The following IL20 variants were observed in gnomAD, a reference collection of about 807,000 sequenced individuals.
IL20 encodes interleukin 20.
Under a neutral mutation model 19.2 loss-of-function variants are expected in IL20, and 22 were observed. The ratio of observed to expected loss-of-function variants is 1.15; its 90% CI spans 0.82 to 1.64. The LOEUF (loss-of-function observed/expected upper bound fraction) is 1.64, where lower values mean the gene tolerates loss of function less well. Among genes scored for constraint, IL20 ranks in the 40% most tolerant of loss-of-function variants. IL20 has a pLI of 0.00. For synonymous variants in IL20, 70 were observed against 76.2 expected, an observed-to-expected ratio of 0.92 and a Z score of 0.43; for missense variants, 215 against 212.8, an observed-to-expected ratio of 1.01 and a Z score of -0.06.
Position 206,866,635 on chromosome 1 carries a change from G to C in IL20, c.377G>C (p.Cys126Ser). 2 of 1,613,954 alleles carry C rather than the reference G, an allele frequency of 1.2e-6. No individual in the cohort carries two copies. The highest frequency in any genetic ancestry group is 1.7e-6 in the Non-Finnish European group (2 of 1,179,892). ...ACCATCAAGAAGGACCTCCGGCTCT[G>C]TGTGAGTGTGGGTCTTGGGTGACAG... ...FLTIKKDLRL[C>S]HAHMTCHCGE... The change falls in exon 4 of 6, where the codon TGT becomes TCT. Residue 126 changes from cysteine (C) to serine (S), a missense_variant and splice_region_variant. Cys to Ser is a moderately radical substitution (Grantham distance 112). Transcript: ENST00000367098.
At chr1:206,863,575 G>A (rs182257734), upstream of IL20, among the ~76,000 whole-genome samples, 14 of 152,262 alleles carry the variant, frequency 9.2e-5, no homozygotes, top group South Asian at 2.1e-4. Flanking sequence ...AGGCTCCTAG[G>A]AGACCAGAAG....
At position 206,867,493 on chromosome 1, in the gene IL20, T is replaced by G. The variant is rs1677591154; in HGVS notation, c.453+35T>G. On this transcript the variant is annotated intron_variant, in intron 5 of 5. Transcript: ENST00000367098. ...ACTTTGGCATTGATTGGGATGGGTG[T>G]GTTTTAAGAACTGAGATCATAGGTA... 6.4e-6 allele frequency: 10 copies of G among 1,553,058 alleles called. No individual in the cohort carries two copies. In the East Asian group the frequency reaches 2.2e-4, roughly 35 times the overall value.
intron 4 of IL20, among the ~76,000 whole-genome samples, chr1:206,867,125 G>A (rs1437897309): frequency 6.6e-6 from 1 of 151,376 alleles, no homozygotes; most frequent in Non-Finnish European, 1.5e-5. Flanking sequence ...TGGGGTACGG[G>A]GATGGCAAAT....
chr1:206,868,093 A>G (rs1478137012), intron 5 of IL20, among the ~76,000 whole-genome samples: 2 of 152,064 alleles, frequency 1.3e-5, no homozygotes, highest in East Asian at 3.9e-4. Context: ...ACCATCAGCT[A>G]GGTGATTGGC....
chr1:206,866,649 C>T lies in IL20; in HGVS notation c.378+13C>T. 6.2e-7 allele frequency: 1 copy of T among 1,613,198 alleles called. No homozygotes were observed. Among genetic ancestry groups the T allele is most frequent in the Non-Finnish European group, 8.5e-7 (1 of 1,179,386 alleles). On this transcript the variant is annotated intron_variant, in intron 4 of 5. Transcript: ENST00000367098. ...CCTCCGGCTCTGTGTGAGTGTGGGT[C>T]TTGGGTGACAGGATGCATCTCAGCA...
intron 5 of IL20, among the ~76,000 whole-genome samples, chr1:206,868,152 A>ACACACACACAGGCACGTG (rs1311190918): frequency 4.0e-5 from 6 of 151,554 alleles, no homozygotes; most frequent in Admixed American, 6.6e-5. Context: ...CAACCCCTAC[A>ACACACACACAGGCACGTG]CACACACACA....
chr1:206,865,522 T>A, upstream of IL20: 1 of 1,091,362 alleles, frequency 9.2e-7, no homozygotes, highest in Non-Finnish European at 1.1e-6. This position sits in a 1 kb window ranked among gnomAD's most constrained non-coding sequence, Gnocchi z 4.1. Flanking sequence ...CTCTATCTAT[T>A]CACTGCAAGT....
intron 5 of IL20, 98 bp from the exon 6 acceptor site, chr1:206,868,389 G>T: frequency 1.6e-6 from 1 of 638,182 alleles, no homozygotes; most frequent in African/African-American, 1.9e-5. Context: ...AGAATGCTCT[G>T]CTTACAATTG....
In IL20 at chr1:206,866,717, C is replaced by G. The variant is rs570355390; in HGVS notation, c.378+81C>G. ...AGCAACTAAACTCTCTTTCCTACCTCCATTTAATGGATGGAGAAACTGAGT... is the reference window on the plus strand; with the variant it reads ...AGCAACTAAACTCTCTTTCCTACCTGCATTTAATGGATGGAGAAACTGAGT... On this transcript the variant is annotated intron_variant, in intron 4 of 5. Coordinates refer to ENST00000367098, the MANE Select transcript of IL20 (RefSeq NM_018724.4). 2.3e-6 allele frequency: 3 copies of G among 1,328,848 alleles called. No homozygotes were observed. In the African/African-American group the frequency reaches 4.4e-5, roughly 19 times the overall value. 82.3% of individuals were successfully genotyped at this position (1,328,848 alleles called of 1,614,324 possible). A position where few individuals can be genotyped will look rare whatever the true frequency, so the allele number is the denominator to read the frequency against.
intron 2 of IL20, 140 bp from the exon 3 acceptor site, chr1:206,866,159 G>T (rs1677539435): frequency 2.6e-6 from 3 of 1,145,910 alleles, no homozygotes; most frequent in Non-Finnish European, 3.9e-6. Context: ...AGAAATAACT[G>T]TAGTTCAAAT....
At position 206,866,184 on chromosome 1, in the gene IL20, G is replaced by A; in HGVS notation, c.160-115G>A. 2.5e-6 allele frequency: 3 copies of A among 1,212,192 alleles called. No individual in the cohort carries two copies. In the South Asian group the frequency reaches 3.9e-5, roughly 16 times the overall value. The allele number at this position is 1,212,192 out of a possible 1,614,324, so 75.1% of individuals were successfully genotyped here. ...GTAGTTCAAATATTTAAAATGTTTT[G>A]GGAAAGGACACCTCCCACTAGTTCT... On this transcript the variant is annotated intron_variant, in intron 2 of 5. Coordinates refer to ENST00000367098, the MANE Select transcript of IL20 (RefSeq NM_018724.4).
At chr1:206,867,780 ACACT>A in intron 5 of IL20, among the ~76,000 whole-genome samples, 1 of 152,136 alleles carries the variant, frequency 6.6e-6, no homozygotes, top group East Asian at 1.9e-4. Flanking sequence ...ACCTTTGAAA[ACACT>A]CACAATTTCA....
chr1:206,866,414 A>C (rs763441745), intron 3 of IL20, 50 bp downstream of exon 3: 2 of 1,612,476 alleles, frequency 1.2e-6, no homozygotes, highest in South Asian at 2.2e-5. Context: ...GAGTGGGAGC[A>C]TCTCCATCAC....
chr1:206,868,170 GCACA>G (rs3034527), intron 5 of IL20, among the ~76,000 whole-genome samples: 7 of 148,834 alleles, frequency 4.7e-5, no homozygotes, highest in South Asian at 2.1e-4. Flanking sequence ...ACAGGCACGT[GCACA>G]CACACACACA....
In IL20 at chr1:206,865,670, C is replaced by T; in HGVS notation, c.-47C>T. On this transcript the variant is annotated 5_prime_UTR_variant, in exon 1 of 6. Transcript: ENST00000367098. This position sits in a 1 kb window ranked among gnomAD's most constrained non-coding sequence, Gnocchi z 4.1. Reference sequence around the variant, plus strand: ...CCTGAAATCTTCTCTTCACGGGAGGCTTGGCAGTTTTTCTTAGTAAGTTGC... The same window carrying T: ...CCTGAAATCTTCTCTTCACGGGAGGTTTGGCAGTTTTTCTTAGTAAGTTGC... 2 of 1,387,886 alleles carry T rather than the reference C, an allele frequency of 1.4e-6. No individual in the cohort carries two copies. Among genetic ancestry groups the T allele is most frequent in the Non-Finnish European group, 1.9e-6 (2 of 1,072,312 alleles). 86.0% of individuals were successfully genotyped at this position (1,387,886 alleles called of 1,614,324 possible).
chr1:206,867,297 G>A, intron 4 of IL20, 87 bp from the exon 5 acceptor site: 6 of 1,119,030 alleles, frequency 5.4e-6, no homozygotes, highest in Non-Finnish European at 8.1e-6. Flanking sequence ...GGTTGTGGGT[G>A]AAAGAGTAGA....
chr1:206,863,665 C>T (rs1677475130), upstream of IL20, among the ~76,000 whole-genome samples: 1 of 152,192 alleles, frequency 6.6e-6, no homozygotes, highest in Non-Finnish European at 1.5e-5. Context: ...TCACCTACTT[C>T]TCCTAATCAT....
chr1:206,867,488 G>A (rs755581190), intron 5 of IL20, 30 bp downstream of exon 5: 95 of 1,576,568 alleles, frequency 6.0e-5, no homozygotes, highest in Non-Finnish European at 8.0e-5. Flanking sequence ...TGATTGGGAT[G>A]GGTGTGTTTT....
Position 206,868,562 on chromosome 1 carries a change from T to C in IL20, c.529T>C (p.Ter177GlnextTer25). 2 of 1,600,728 alleles carry C rather than the reference T, an allele frequency of 1.2e-6. No homozygotes were observed. Among genetic ancestry groups the C allele is most frequent in the Non-Finnish European group, 1.7e-6 (2 of 1,173,518 alleles). ...TCTGCAATGGATGGAGGAGACAGAA[T>C]AGGAGGAAAGTGATGCTGCTGCTAA... is the stretch of plus-strand genomic sequence containing the variant. ...ILLQWMEETE[*>Q] Residue 177 changes from the stop codon to glutamine, a stop_lost, in exon 6 of 6, where the codon TAG becomes CAG. Coordinates refer to ENST00000367098, the MANE Select transcript of IL20 (RefSeq NM_018724.4).
Sources: gnomAD v4.1 joint callset for allele counts (sites outside exome capture counted in the v4.1 genomes callset) on GRCh38, gnomAD v4.1.1 for gene constraint, Gnocchi (gnomAD v3.1) non-coding constraint, MANE v1.5 for transcripts, NCBI Gene and HGNC (gene_info 2026-07-23, HGNC 2026-07-21) for gene names.